TSPAN11: variants seen among roughly 807,000 people sequenced by gnomAD.
TSPAN11 encodes the protein tetraspanin-11.
In TSPAN11, 29 loss-of-function variants were observed where a neutral mutation model predicts 32.9. The ratio of observed to expected loss-of-function variants is 0.88; its 90% CI spans 0.66 to 1.20. TSPAN11 has a LOEUF of 1.20. Among genes scored for constraint, TSPAN11 ranks in the 50% most tolerant of loss-of-function variants. The probability of loss-of-function intolerance (pLI) is 0.00; values close to 1 mark genes in which losing one functional copy is unlikely to be tolerated. For synonymous variants in TSPAN11, 140 were observed against 141.3 expected (o/e 0.99, Z 0.07); for missense variants, 283 against 329.1 (o/e 0.86, Z 1.08).
chr12:30,989,964 C>T (rs1939278409), intron 7 of TSPAN11, among the ~76,000 whole-genome samples: 1 of 152,202 alleles, frequency 6.6e-6, no homozygotes, highest in African/African-American at 2.4e-5. Context: ...TCTGCCACCT[C>T]CAGCACCTGC....
At chr12:30,961,039 A>G (rs937566539) in intron 2 of TSPAN11, among the ~76,000 whole-genome samples, 13 of 151,518 alleles carry the variant, frequency 8.6e-5, no homozygotes, top group African/African-American at 2.7e-4. Context: ...GAAAAAAAAA[A>G]AAAAGAAAAA....
At chr12:31,009,103 C>G in the TSPAN11 span, among the ~76,000 whole-genome samples, 1 of 151,396 alleles carries the variant, frequency 6.6e-6, no homozygotes, top group Non-Finnish European at 1.5e-5. Context: ...TCAAAATGCT[C>G]TTCCCCTGGA....
intron 2 of TSPAN11, among the ~76,000 whole-genome samples, chr12:30,957,606 A>C (rs1938510096): frequency 6.6e-6 from 1 of 151,940 alleles, no homozygotes; most frequent in African/African-American, 2.4e-5. Context: ...CATCCAGAAT[A>C]TAAAAGGGGT....
chr12:31,005,945 T>G, the TSPAN11 span: 1 of 153,468 alleles, frequency 6.5e-6, no homozygotes, highest in Non-Finnish European at 1.5e-5. Context: ...ACAGCGCTCC[T>G]AGTGCAAGTG....
chr12:31,010,768 C>T, the TSPAN11 span, among the ~76,000 whole-genome samples: 3 of 152,186 alleles, frequency 2.0e-5, no homozygotes, highest in East Asian at 5.8e-4. Flanking sequence ...TGCACTCCAG[C>T]CTGGGTGGCA....
chr12:30,926,876 C>G (rs1434748023), intron 1 of TSPAN11, 80 bp downstream of exon 1: 3 of 1,212,680 alleles, frequency 2.5e-6, no homozygotes, highest in East Asian at 6.8e-5. Flanking sequence ...TCCACCTCCG[C>G]TGCCCGCCCC....
At chr12:30,960,083 T>C (rs1435698380) in intron 2 of TSPAN11, among the ~76,000 whole-genome samples, 3 of 120,560 alleles carry the variant, frequency 2.5e-5, no homozygotes, top group African/African-American at 6.5e-5. Flanking sequence ...ATGGTTGTCA[T>C]TGAGAGAAGG....
Position 30,994,540 on chromosome 12 carries a change from G to A in TSPAN11, c.*2625G>A, listed in dbSNP as rs1009290. On this transcript the variant is annotated 3_prime_UTR_variant, in exon 8 of 8. Transcript: ENST00000546076. ...GACACCAAGAGAAGGGCGCGTCCCC[G>A]AGTCCCCTGGGTGACCTGTGTCAGG... 3.3e-5 allele frequency: 5 copies of A among 152,042 alleles called. No homozygotes were observed. The highest frequency in any genetic ancestry group is 1.9e-4 in the East Asian group (1 of 5,180). 9.4% of individuals were successfully genotyped at this position (152,042 alleles called of 1,614,324 possible). A position where few individuals can be genotyped will look rare whatever the true frequency, so the allele number is the denominator to read the frequency against.
chr12:30,970,421 G>C (rs143188462), intron 3 of TSPAN11, among the ~76,000 whole-genome samples: 1 of 152,324 alleles, frequency 6.6e-6, no homozygotes, highest in African/African-American at 2.4e-5. Flanking sequence ...AACACACACA[G>C]TGTGATCTCC....
chr12:30,949,067 C>T (rs1183795420), intron 1 of TSPAN11, among the ~76,000 whole-genome samples: 1 of 152,192 alleles, frequency 6.6e-6, no homozygotes, highest in African/African-American at 2.4e-5. Context: ...ACCTTTGCTC[C>T]AGTTCCCAAC....
rs767989176 is a variant in TSPAN11 at position 30,975,143 on chromosome 12, C to T, written c.277-3418C>T. ...CTTTGCACACAGAGCCAGCGTGTGC[C>T]GCAGGGGCCCTGAGATGATCGCGCC... On this transcript the variant is annotated intron_variant, in intron 3 of 7. Transcript: ENST00000546076. This position sits in a 1 kb window ranked among gnomAD's most constrained non-coding sequence, Gnocchi z 4.5. Among the ~76,000 whole-genome samples the T allele has an allele frequency of 2.6e-5, 4 of 152,180 alleles. No individual in the cohort carries two copies. Among genetic ancestry groups the T allele is most frequent in the Non-Finnish European group, 5.9e-5 (4 of 68,026 alleles).
At chr12:30,999,362 A>G (rs1659277582), downstream of TSPAN11, 1 of 152,162 alleles carries the variant, frequency 6.6e-6, no homozygotes, top group African/African-American at 2.4e-5. Flanking sequence ...AAAAGAGGAA[A>G]GAAAAGAAAT....
chr12:30,971,300 G>C (rs552894915), intron 3 of TSPAN11, among the ~76,000 whole-genome samples: 1 of 152,304 alleles, frequency 6.6e-6, no homozygotes, highest in Non-Finnish European at 1.5e-5. Context: ...GAGAAATTTT[G>C]AAATTCCAGT....
At position 30,992,709 on chromosome 12, in the gene TSPAN11, C is replaced by A. The variant is rs1414035877; in HGVS notation, c.*794C>A. On this transcript the variant is annotated 3_prime_UTR_variant, in exon 8 of 8. Coordinates refer to ENST00000546076, the MANE Select transcript of TSPAN11 (RefSeq NM_001370302.1). The stretch of plus-strand genomic sequence containing the variant: ...GAATCTCCTGTTCCGGGGCCTGATT[C>A]TCAGGAACACCAGGTTTCAGACCAT... The A allele has an allele frequency of 1.3e-5, 2 of 152,308 alleles. No homozygotes were observed. The highest frequency in any genetic ancestry group is 2.9e-5 in the Non-Finnish European group (2 of 68,118). 9.4% of individuals were successfully genotyped at this position (152,308 alleles called of 1,614,324 possible). A position where few individuals can be genotyped will look rare whatever the true frequency, so the allele number is the denominator to read the frequency against.
At chr12:30,950,249 A>G (rs1938355997) in intron 1 of TSPAN11, among the ~76,000 whole-genome samples, 1 of 152,068 alleles carries the variant, frequency 6.6e-6, no homozygotes, top group African/African-American at 2.4e-5. Flanking sequence ...CCCTCCACTC[A>G]TACTCTGTAC....
At chr12:30,980,183 G>A (rs919073566) in intron 5 of TSPAN11, among the ~76,000 whole-genome samples, 3 of 152,214 alleles carry the variant, frequency 2.0e-5, no homozygotes, top group African/African-American at 7.2e-5. Context: ...GGACAGAAAG[G>A]TTTTCTCCTA....
chr12:30,927,937 T>C (rs1321369000), intron 1 of TSPAN11, among the ~76,000 whole-genome samples: 1 of 152,136 alleles, frequency 6.6e-6, no homozygotes, highest in Admixed American at 6.5e-5. Context: ...TGGAAATGCT[T>C]TGATGATAGT....
intron 7 of TSPAN11, among the ~76,000 whole-genome samples, chr12:30,985,383 G>A (rs35085): frequency 0.71 from 108,471 of 151,770 alleles, 40,757 homozygotes; most frequent in Non-Finnish European, 0.84. Context: ...TTAGTACGTT[G>A]TCTCTCAAAA....
At chr12:31,004,793 C>A in the TSPAN11 span, among the ~76,000 whole-genome samples, 1 of 152,198 alleles carries the variant, frequency 6.6e-6, no homozygotes, top group African/African-American at 2.4e-5. Context: ...AACCCAACAA[C>A]TGCTCCTCAG....
Sources: gnomAD v4.1 joint callset for allele counts (sites outside exome capture counted in the v4.1 genomes callset) on GRCh38, gnomAD v4.1.1 for gene constraint, Gnocchi (gnomAD v3.1) non-coding constraint, MANE v1.5 for transcripts, NCBI Gene and HGNC (gene_info 2026-07-23, HGNC 2026-07-21) for gene names.